SETD2: variants seen among roughly 807,000 people sequenced by gnomAD.
SETD2 encodes histone-lysine N-methyltransferase SETD2.
In SETD2, 31 loss-of-function variants were observed where a neutral mutation model predicts 242.1. The ratio of observed to expected loss-of-function variants is 0.13; its 90% CI spans 0.10 to 0.17. SETD2 has a LOEUF of 0.17. Ranked by LOEUF, SETD2 falls within the 10% of genes least tolerant of loss-of-function variation. The pLI is 1.00. For synonymous variants in SETD2, 1,006 were observed against 1,066.5 expected, an observed-to-expected ratio of 0.94 and a Z score of 1.11; for missense variants, 2,481 against 3,046.3, an observed-to-expected ratio of 0.81 and a Z score of 4.37.
chr3:47,037,177 C>G (rs1011663903), intron 18 of SETD2, among the ~76,000 whole-genome samples: 1 of 146,520 alleles, frequency 6.8e-6, no homozygotes, highest in African/African-American at 2.5e-5. Flanking sequence ...ATGTGCACAA[C>G]GTGCAGGTTT....
rs760745679 is a variant in SETD2 at position 47,120,848 on chromosome 3, G to A, written c.3788C>T (p.Ser1263Phe). The part of the protein sequence containing the change: ...EELRNLGWDF[S>F]QEKPSTTYQQ... ...ATACGTGGTAGAAGGCTTTTCTTGA[G>A]AGAAGTCCCAACCTAAGTTTCTGAG... Residue 1263 changes from serine to phenylalanine, a missense_variant, in exon 3 of 21, where the codon TCT becomes TTT. Physicochemically the swap from Ser to Phe is radical, Grantham distance 155. This residue lies in a region of SETD2 where 1,300 missense variants were observed against 1,259.2 expected (regional missense o/e 1.03). Transcript: ENST00000409792. The A allele has an allele frequency of 6.2e-6, 10 of 1,614,112 alleles. No homozygotes were observed. Among genetic ancestry groups the A allele is most frequent in the South Asian group, 3.3e-5 (3 of 91,094 alleles).
At chr3:47,127,033 A>G (rs1412052957) in intron 1 of SETD2, among the ~76,000 whole-genome samples, 1 of 152,174 alleles carries the variant, frequency 6.6e-6, no homozygotes. Flanking sequence ...ACGATAAGCA[A>G]CTCAGTTTAG....
intron 12 of SETD2, among the ~76,000 whole-genome samples, chr3:47,081,649 T>C (rs2107633484): frequency 6.6e-6 from 1 of 152,340 alleles, no homozygotes; most frequent in South Asian, 2.1e-4. Context: ...ATGCTATCTA[T>C]GTTTGTCTGG....
chr3:47,084,426 CTTTTT>C (rs5848822), intron 11 of SETD2, 44 bp from the exon 12 acceptor site: 16 of 978,990 alleles, frequency 1.6e-5, no homozygotes, highest in Middle Eastern at 3.3e-4. Context: ...GTACAGTTGA[CTTTTT>C]TTTTTTTTTT....
chr3:47,089,402 T>C (rs2041702443), intron 9 of SETD2, among the ~76,000 whole-genome samples: 1 of 151,936 alleles, frequency 6.6e-6, no homozygotes, highest in African/African-American at 2.4e-5. Context: ...AGTTATAATT[T>C]TGCCACTGCA....
At chr3:47,108,676 C>G (rs1428743387) in intron 5 of SETD2, among the ~76,000 whole-genome samples, 1 of 152,054 alleles carries the variant, frequency 6.6e-6, no homozygotes, top group Non-Finnish European at 1.5e-5. Flanking sequence ...GAAGGATATA[C>G]CAACACACAT....
At chr3:47,158,923 T>C (rs1469106387) in intron 1 of SETD2, among the ~76,000 whole-genome samples, 1 of 152,214 alleles carries the variant, frequency 6.6e-6, no homozygotes, top group African/African-American at 2.4e-5. Context: ...AGTTCACAGA[T>C]GTCATCCATG....
chr3:47,095,284 C>T (rs1308890639), intron 9 of SETD2, among the ~76,000 whole-genome samples: 5 of 151,956 alleles, frequency 3.3e-5, no homozygotes, highest in Non-Finnish European at 5.9e-5. Context: ...TACAGGTACC[C>T]GCCACCACGC....
At chr3:47,054,876 T>C (rs2039989568) in intron 15 of SETD2, among the ~76,000 whole-genome samples, 1 of 152,182 alleles carries the variant, frequency 6.6e-6, no homozygotes, top group African/African-American at 2.4e-5. Flanking sequence ...TGTATATGTA[T>C]ATGTACACAC....
At chr3:47,103,502 C>T (rs2042293332) in intron 6 of SETD2, 79 bp from the exon 7 acceptor site, 1 of 1,009,146 alleles carries the variant, frequency 9.9e-7, no homozygotes, top group African/African-American at 1.6e-5. Context: ...CTACATACAT[C>T]TCTTATGCAT....
intron 12 of SETD2, among the ~76,000 whole-genome samples, chr3:47,070,513 T>C (rs760006239): frequency 3.3e-5 from 5 of 152,190 alleles, no homozygotes; most frequent in Admixed American, 3.3e-4. Flanking sequence ...CCCACAACAT[T>C]GAAAGCTGAG....
At chr3:47,035,304 C>T (rs1014411812) in intron 18 of SETD2, among the ~76,000 whole-genome samples, 5 of 152,162 alleles carry the variant, frequency 3.3e-5, no homozygotes, top group African/African-American at 1.2e-4. Flanking sequence ...ATTGTGAAGG[C>T]GCCAGCTCCA....
intron 12 of SETD2, among the ~76,000 whole-genome samples, chr3:47,075,363 C>G (rs1157082371): frequency 2.0e-5 from 3 of 151,474 alleles, no homozygotes; most frequent in Admixed American, 6.6e-5. Flanking sequence ...AGTTCGAGAC[C>G]AGCCTGACCA....
chr3:47,062,014 T>G (rs2040354775), intron 14 of SETD2, 149 bp downstream of exon 14: 2 of 656,470 alleles, frequency 3.0e-6, no homozygotes, highest in South Asian at 4.1e-5. Context: ...TGTCTTAAGA[T>G]TATCAGTAAA....
intron 17 of SETD2, among the ~76,000 whole-genome samples, chr3:47,039,211 A>G (rs1056016249): frequency 1.3e-5 from 2 of 151,816 alleles, no homozygotes; most frequent in Non-Finnish European, 2.9e-5. Context: ...AAGAAATACA[A>G]ACTTTTTTTT....
chr3:47,163,807 G>C (rs947818593), intron 1 of SETD2, 47 bp downstream of exon 1: 2 of 1,247,424 alleles, frequency 1.6e-6, no homozygotes, highest in African/African-American at 1.6e-5. Flanking sequence ...CCTCGGCTGG[G>C]GATAAGGCGG....
At chr3:47,111,077 T>C (rs7646799) in intron 5 of SETD2, among the ~76,000 whole-genome samples, 28,894 of 68,452 alleles carry the variant, frequency 0.42, 6,063 homozygotes, top group East Asian at 0.5. Context: ...CTGTGGTTCC[T>C]TTAAAAAAAA....
rs2107743857 is a variant in SETD2 at position 47,120,627 on chromosome 3, C to T, written c.4009G>A (p.Glu1337Lys). 1.2e-6 allele frequency: 2 copies of T among 1,614,116 alleles called. No individual in the cohort carries two copies. Among genetic ancestry groups the T allele is most frequent in the South Asian group, 2.2e-5 (2 of 91,082 alleles). ...VPDSLTDDREEEENWDQQDGS... is the reference protein window; with the variant it reads ...VPDSLTDDREKEENWDQQDGS... ...TCCTGTTGATCCCAATTCTCCTCTT[C>T]TTCACGATCATCTGTTAGGGAATCT... is the stretch of plus-strand genomic sequence containing the variant. The change falls in exon 3 of 21, where the codon GAA (glutamate) becomes AAA (lysine). Residue 1337 changes from glutamate (E) to lysine (K), a missense_variant. By Grantham distance (56) the Glu-to-Lys change is moderately conservative. Coordinates refer to ENST00000409792, the MANE Select transcript of SETD2 (RefSeq NM_014159.7).
intron 1 of SETD2, among the ~76,000 whole-genome samples, chr3:47,161,469 G>A (rs1697486850): frequency 1.3e-5 from 2 of 152,036 alleles, no homozygotes; most frequent in African/African-American, 2.4e-5. Flanking sequence ...TATCTCAAGA[G>A]TTTGCTGTCA....
Sources: allele counts gnomAD v4.1 joint callset (sites outside exome capture counted in the v4.1 genomes callset), GRCh38; gene constraint gnomAD v4.1.1; regional missense constraint gnomAD v4.1.1; transcripts MANE v1.5; gene names NCBI Gene and HGNC (gene_info 2026-07-23, HGNC 2026-07-21).